The following ANKDD1A variants were observed in gnomAD, a reference collection of about 807,000 sequenced individuals.
ANKDD1A encodes the protein ankyrin repeat and death domain-containing protein 1A.
ANKDD1A carries 59 observed loss-of-function variants against 63.5 expected under a neutral mutation model. The observed-to-expected ratio is 0.93, with a 90% CI of 0.75 to 1.15. The LOEUF (loss-of-function observed/expected upper bound fraction) is 1.15. ANKDD1A is among the 50% of genes most tolerant of loss of function. ANKDD1A has a pLI of 0.00. For synonymous variants in ANKDD1A, 266 were observed against 263.9 expected, an observed-to-expected ratio of 1.01 and a Z score of -0.08; for missense variants, 632 against 656.4, an observed-to-expected ratio of 0.96 and a Z score of 0.41.
intron 9 of ANKDD1A, among the ~76,000 whole-genome samples, chr15:64,936,571 G>C (rs2085134518): frequency 1.3e-5 from 2 of 152,298 alleles, no homozygotes; most frequent in African/African-American, 4.8e-5. Flanking sequence ...AGGTGCAGTG[G>C]CTCACATCTG....
chr15:64,943,732 G>A (rs2085203247), intron 11 of ANKDD1A, 150 bp downstream of exon 11: 1 of 731,876 alleles, frequency 1.4e-6, no homozygotes, highest in Non-Finnish European at 2.3e-6. Context: ...CCTCCTCCAG[G>A]AAGCCTTCCT....
chr15:64,947,919 T>C (rs2085236859), intron 13 of ANKDD1A, among the ~76,000 whole-genome samples: 1 of 152,206 alleles, frequency 6.6e-6, no homozygotes, highest in Admixed American at 6.5e-5. Context: ...TATATGGAAA[T>C]TTTGGCCCTG....
At chr15:64,931,049 AC>A in intron 7 of ANKDD1A, 129 bp downstream of exon 7, 1 of 942,238 alleles carries the variant, frequency 1.1e-6, no homozygotes, top group Non-Finnish European at 1.6e-6. Context: ...CTGAGAGCCC[AC>A]CAGGGAAAGA....
intron 6 of ANKDD1A, 116 bp downstream of exon 6, chr15:64,927,115 G>A (rs1474498300): frequency 9.6e-7 from 1 of 1,046,308 alleles, no homozygotes; most frequent in Non-Finnish European, 1.4e-6. Context: ...AGGCCCGTGT[G>A]GCCCAAAGAT....
chr15:64,941,956 G>C (rs532399801), intron 9 of ANKDD1A, among the ~76,000 whole-genome samples: 9 of 152,290 alleles, frequency 5.9e-5, no homozygotes, highest in African/African-American at 1.9e-4. Context: ...CGTGGTGGGA[G>C]TAGAAAGTCC....
chr15:64,957,087 T>A lies in ANKDD1A; in HGVS notation c.1484-16T>A, dbSNP rs1566920135. On this transcript the variant is annotated splice_polypyrimidine_tract_variant and intron_variant, in intron 14 of 14. Coordinates refer to ENST00000319580, the MANE Select transcript of ANKDD1A (RefSeq NM_182703.6). ...TTTTGTTTTGTTTTTTGAGACAGTC[T>A]TGCTCTCTCACCCAGGCTGGAGTAC... 1 of 449,574 alleles carries A rather than the reference T, an allele frequency of 2.2e-6. No homozygotes were observed. The highest frequency in any genetic ancestry group is 2.0e-5 in the African/African-American group (1 of 49,382). 27.8% of individuals were successfully genotyped at this position (449,574 alleles called of 1,614,324 possible).
chr15:64,917,556 C>T, intron 3 of ANKDD1A, 42 bp downstream of exon 3: 1 of 1,537,396 alleles, frequency 6.5e-7, no homozygotes, highest in Non-Finnish European at 8.8e-7. Flanking sequence ...TGGTGGGGGG[C>T]ACTGGAGATC....
At chr15:64,938,748 TCAAGAC>T (rs2073561530) in intron 9 of ANKDD1A, among the ~76,000 whole-genome samples, 1 of 151,582 alleles carries the variant, frequency 6.6e-6, no homozygotes, top group African/African-American at 2.4e-5. Flanking sequence ...GGTCAGAAGT[TCAAGAC>T]CAGCCTGGCC....
chr15:64,951,019 G>C, intron 14 of ANKDD1A: 1 of 1,271,726 alleles, frequency 7.9e-7, no homozygotes. Context: ...CATGTAACCG[G>C]AGGGGCCAGA....
intron 14 of ANKDD1A, among the ~76,000 whole-genome samples, chr15:64,954,435 CG>C (rs1595861327): frequency 9.3e-5 from 13 of 139,666 alleles, no homozygotes; most frequent in East Asian, 4.2e-4. Flanking sequence ...CTTCGTTCGT[CG>C]TCTTCTCCTT....
intron 14 of ANKDD1A, among the ~76,000 whole-genome samples, chr15:64,953,615 C>CCTCTTCTTCTCCTTCTTAGTTCTTCTTAG (rs1206540695): frequency 0.052 from 5,660 of 108,944 alleles, 257 homozygotes; most frequent in Middle Eastern, 0.083. Context: ...TTCTTCTCTC[C>CCTCTTCTTCTCCTTCTTAGTTCTTCTTAG]TTCTTCTTCT....
rs1027409585 is a variant in ANKDD1A, at chr15:64,957,134, G to A, written c.1515G>A (p.Thr505=). 10 of 438,448 alleles carry A rather than the reference G, an allele frequency of 2.3e-5. No individual in the cohort carries two copies. Among genetic ancestry groups the A allele is most frequent in the East Asian group, 1.6e-4 (2 of 12,390 alleles). The allele number at this position is 438,448 out of a possible 1,614,324, so 27.2% of individuals were successfully genotyped here. ...GTACAATGGCGAGATCTCAGCTCACGGCAACCTCCGCCTCCCGGGTTCAAA... is the reference window on the plus strand; with the variant it reads ...GTACAATGGCGAGATCTCAGCTCACAGCAACCTCCGCCTCCCGGGTTCAAA... ...GWSTMARSQL[T]ATSASRVQMI... The change falls in exon 15 of 15, where the codon ACG becomes ACA. Residue 505 remains threonine (T), a synonymous_variant. Transcript: ENST00000319580.
rs777701317 is a variant in ANKDD1A, at chr15:64,943,554, C to G, written c.1037C>G (p.Ala346Gly). The G allele has an allele frequency of 1.9e-6, 3 of 1,614,066 alleles. No individual in the cohort carries two copies. The African/African-American group carries it at 4.0e-5, about 22-fold the overall frequency. Reference protein sequence around the residue: ...WQDIADMLLIAGVDLNLRDKQ... With the variant: ...WQDIADMLLIGGVDLNLRDKQ... The stretch of plus-strand genomic sequence containing the variant: ...GACATAGCAGATATGCTCCTCATTG[C>G]TGGGGTTGACTTAAACCTGAGAGAT... Residue 346 changes from alanine to glycine, a missense_variant, in exon 11 of 15, where the codon GCT becomes GGT. By Grantham distance (60) the Ala-to-Gly change is moderately conservative. Coordinates refer to ENST00000319580, the MANE Select transcript of ANKDD1A (RefSeq NM_182703.6).
At position 64,947,262 on chromosome 15, in the gene ANKDD1A, A is replaced by G. The variant is rs867066376; in HGVS notation, c.1162-142A>G. ...GGAGTGAGAAACCAGAAGAGAGGAC[A>G]TTAAGCCCCTGGCCCTTGCTGACTC... On this transcript the variant is annotated intron_variant, in intron 12 of 14. Transcript: ENST00000319580. The G allele has an allele frequency of 6.2e-5, 47 of 757,302 alleles. 1 individual carries two copies. The highest frequency in any genetic ancestry group is 6.0e-4 in the African/African-American group (34 of 56,762). The allele number at this position is 757,302 out of a possible 1,614,324, so 46.9% of individuals were successfully genotyped here.
intron 14 of ANKDD1A, among the ~76,000 whole-genome samples, chr15:64,952,085 T>TCCTC (rs2085297042): frequency 5.3e-4 from 1 of 1,872 alleles, no homozygotes; most frequent in Non-Finnish European, 2.8e-3. Flanking sequence ...TCTTCCTTCT[T>TCCTC]TTCTTCCTCT....
At chr15:64,912,616 C>T (rs1165947890) in intron 1 of ANKDD1A, among the ~76,000 whole-genome samples, 1 of 152,240 alleles carries the variant, frequency 6.6e-6, no homozygotes, top group Non-Finnish European at 1.5e-5. Context: ...TGGCCTGGGG[C>T]AGCTTTGGCT....
intron 14 of ANKDD1A, chr15:64,950,382 C>T: frequency 1.0e-6 from 1 of 985,352 alleles, no homozygotes; most frequent in Non-Finnish European, 1.2e-6. Context: ...CAAATCTGGT[C>T]AAATAAACCT....
intron 14 of ANKDD1A, among the ~76,000 whole-genome samples, chr15:64,952,576 CCTT>C (rs200186805): frequency 0.45 from 60,918 of 136,824 alleles, 13,165 homozygotes; most frequent in South Asian, 0.54. Flanking sequence ...TTCTTCTTCT[CCTT>C]CTTTTCTTCT....
intron 6 of ANKDD1A, 145 bp from the exon 7 acceptor site, chr15:64,930,677 T>C (rs7168400): frequency 0.38 from 257,428 of 681,010 alleles, 52,829 homozygotes; most frequent in East Asian, 0.75. Flanking sequence ...GCTTGGCCCT[T>C]GAATCTGCCC....
Sources: gnomAD v4.1 joint callset for allele counts (sites outside exome capture counted in the v4.1 genomes callset) on GRCh38, gnomAD v4.1.1 for gene constraint, MANE v1.5 for transcripts, NCBI Gene and HGNC (gene_info 2026-07-23, HGNC 2026-07-21) for gene names.